TTI1: variants seen among roughly 807,000 people sequenced by gnomAD.
The protein encoded by TTI1 is TELO2-interacting protein 1 homolog.
TTI1 carries 52 observed loss-of-function variants against 85.4 expected under a neutral mutation model. That is an observed-to-expected ratio of 0.61 (90% CI 0.49 to 0.77). The LOEUF is 0.77. Among genes scored for constraint, TTI1 ranks in the 30% least tolerant of loss-of-function variants. The pLI is 0.00. For missense variants in TTI1, 1,173 were observed against 1,296.0 expected, an observed-to-expected ratio of 0.91 and a Z score of 1.46; for synonymous variants, 512 against 503.9, an observed-to-expected ratio of 1.02 and a Z score of -0.22.
chr20:38,011,870 C>A lies in TTI1; in HGVS notation c.1947G>T (p.Leu649Phe). The change falls in exon 2 of 8, where the codon TTG becomes TTT. Residue 649 changes from leucine to phenylalanine, a missense_variant. Coordinates refer to ENST00000373447, the MANE Select transcript of TTI1 (RefSeq NM_001303457.2). ...YALGKDFCLL[L>F]MSALYPVLEK... ...CCAGTACTGGATAAAGGGCTGACAT[C>A]AAGAGCAAACAGAAGTCTTTTCCTA... 1 of 1,614,226 alleles carries A rather than the reference C, an allele frequency of 6.2e-7. No individual in the cohort carries two copies. Among genetic ancestry groups the A allele is most frequent in the Non-Finnish European group, 8.5e-7 (1 of 1,180,044 alleles).
intron 1 of TTI1, among the ~76,000 whole-genome samples, chr20:38,026,587 A>C (rs568876915): frequency 1.1e-4 from 16 of 152,354 alleles, no homozygotes; most frequent in African/African-American, 3.4e-4. Flanking sequence ...AAAAATGTGC[A>C]TCAGGAATGA....
intron 7 of TTI1, among the ~76,000 whole-genome samples, chr20:37,986,752 AAGAG>A (rs1170884338): frequency 6.6e-6 from 1 of 152,208 alleles, no homozygotes; most frequent in African/African-American, 2.4e-5. Flanking sequence ...TTCTTCCAGA[AAGAG>A]AGAGAGAGGG....
At chr20:38,030,257 G>A (rs901147418) in intron 1 of TTI1, among the ~76,000 whole-genome samples, 4 of 151,960 alleles carry the variant, frequency 2.6e-5, no homozygotes, top group South Asian at 2.1e-4. Context: ...GAAGGAGGGA[G>A]GGAGGGAAGC....
intron 3 of TTI1, among the ~76,000 whole-genome samples, chr20:38,005,091 T>C (rs2073477151): frequency 1.3e-5 from 2 of 152,132 alleles, no homozygotes. Context: ...TACTATTTCC[T>C]GTTACACTGC....
chr20:38,020,323 A>AAAAAAAAAATATATATAT, intron 1 of TTI1, among the ~76,000 whole-genome samples: 3 of 50,386 alleles, frequency 6.0e-5, no homozygotes, highest in African/African-American at 2.7e-4. Context: ...AAAAAAAAAA[A>AAAAAAAAAATATATATAT]ATATATATAT....
At chr20:37,985,222 G>A (rs879305356) in intron 7 of TTI1, among the ~76,000 whole-genome samples, 2 of 152,188 alleles carry the variant, frequency 1.3e-5, no homozygotes, top group African/African-American at 2.4e-5. Flanking sequence ...GCCCTACACA[G>A]TCTAGCACGT....
rs764898421 is a variant in TTI1 at position 37,996,753 on chromosome 20, G to A, written c.2994C>T (p.Asp998=). 6.2e-7 allele frequency: 1 copy of A among 1,608,190 alleles called. No individual in the cohort carries two copies. Among genetic ancestry groups the A allele is most frequent in the Non-Finnish European group, 8.5e-7 (1 of 1,175,932 alleles). The change falls in exon 6 of 8, where the codon GAC becomes GAT. Residue 998 remains aspartate, a synonymous_variant. Coordinates refer to ENST00000373447, the MANE Select transcript of TTI1 (RefSeq NM_001303457.2). ...GTGGAACTGCCTGGTACCCACCTAG[G>A]TCCAGTCTCTCACAGAGGGGGCCCA... ...QGLGPLCERL[D]LGEGDLNKVA... is the part of the protein sequence containing the mutation.
chr20:38,012,841 C>T lies in TTI1; in HGVS notation c.976G>A (p.Val326Ile). 2 of 1,614,170 alleles carry T rather than the reference C, an allele frequency of 1.2e-6. No individual in the cohort carries two copies. The highest frequency in any genetic ancestry group is 1.1e-5 in the South Asian group (1 of 91,088). The change falls in exon 2 of 8, where the codon GTC (valine) becomes ATC (isoleucine). Residue 326 changes from valine (V) to isoleucine (I), a missense_variant. Transcript: ENST00000373447. ...DLLLKCSQSLVECAGPLLKAL... is the reference protein window; with the variant it reads ...DLLLKCSQSLIECAGPLLKAL... ...TTCAGAAGGGGACCAGCACATTCGA[C>T]CAATGATTGACTGCACTTCAAAAGA...
rs1300399707 is a variant in TTI1, at chr20:38,011,652, A to G, written c.2165T>C (p.Met722Thr). Reference protein sequence around the residue: ...HPHTPKVLEVMLRNSDANLLP... With the variant: ...HPHTPKVLEVTLRNSDANLLP... ...CAGGTTAGCATCTGAGTTCCGCAGC[A>G]TGACTTCCAGGACCTTTGGGGTATG... Residue 722 changes from methionine (M) to threonine (T), a missense_variant, in exon 2 of 8, where the codon ATG (methionine) becomes ACG (threonine). Coordinates refer to ENST00000373447, the MANE Select transcript of TTI1 (RefSeq NM_001303457.2). 12 of 1,614,126 alleles carry G rather than the reference A, an allele frequency of 7.4e-6. No individual in the cohort carries two copies. The highest frequency in any genetic ancestry group is 9.3e-6 in the Non-Finnish European group (11 of 1,180,054).
At chr20:38,006,068 G>T in intron 3 of TTI1, 129 bp downstream of exon 3, 3 of 1,019,230 alleles carry the variant, frequency 2.9e-6, no homozygotes, top group Admixed American at 2.3e-5. Context: ...CAGGAGAATA[G>T]CTATGTTAGC....
At chr20:38,032,403 G>C (rs568386209) in intron 1 of TTI1, among the ~76,000 whole-genome samples, 9 of 152,300 alleles carry the variant, frequency 5.9e-5, no homozygotes, top group South Asian at 2.1e-4. Context: ...TCCTAAACTA[G>C]AGTCTGCCCA....
Position 38,013,245 on chromosome 20 carries a change from GGATGGTCCT to G in TTI1, c.563_571del (p.Gln188_His190del). The G allele has an allele frequency of 1.2e-6, 2 of 1,614,032 alleles. No individual in the cohort carries two copies. Among genetic ancestry groups the G allele is most frequent in the Non-Finnish European group, 1.7e-6 (2 of 1,180,034 alleles). ...TTGTTCAAGTTCATCCAATGACCTT[GGATGGTCCT>G]GACAATCACACTGCAAGAGTAGAAC... On this transcript the variant is annotated inframe_deletion, in exon 2 of 8. Coordinates refer to ENST00000373447, the MANE Select transcript of TTI1 (RefSeq NM_001303457.2).
At position 38,011,742 on chromosome 20, in the gene TTI1, T is replaced by C. The variant is rs754324471; in HGVS notation, c.2075A>G (p.Asn692Ser). 1 of 1,614,208 alleles carries C rather than the reference T, an allele frequency of 6.2e-7. No individual in the cohort carries two copies. The highest frequency in any genetic ancestry group is 8.5e-7 in the Non-Finnish European group (1 of 1,180,044). The change falls in exon 2 of 8, where the codon AAT becomes AGT. Residue 692 changes from asparagine to serine, a missense_variant. By Grantham distance (46) the Asn-to-Ser change is conservative. Coordinates refer to ENST00000373447, the MANE Select transcript of TTI1 (RefSeq NM_001303457.2). ...CGYDSLQHLI[N>S]QNSDYLVNGI... ...ATTCACTAAATAGTCTGAATTTTGA[T>C]TGATCAGGTGCTGCAGGGAGTCGTA...
At chr20:38,020,323 A>AAATAT in intron 1 of TTI1, among the ~76,000 whole-genome samples, 30 of 50,392 alleles carry the variant, frequency 6.0e-4, no homozygotes, top group South Asian at 9.2e-4. Flanking sequence ...AAAAAAAAAA[A>AAATAT]ATATATATAT....
intron 7 of TTI1, among the ~76,000 whole-genome samples, chr20:37,992,964 T>C (rs537943806): frequency 6.6e-6 from 1 of 152,302 alleles, no homozygotes; most frequent in East Asian, 1.9e-4. Context: ...TGATCTGACC[T>C]GTTGTCTGTA....
At chr20:38,009,985 T>C (rs2073559378) in intron 2 of TTI1, among the ~76,000 whole-genome samples, 1 of 152,190 alleles carries the variant, frequency 6.6e-6, no homozygotes, top group Non-Finnish European at 1.5e-5. Context: ...GAATCTGCCG[T>C]GAGCTTGTCT....
At chr20:38,013,898 A>G (rs2073643399) in intron 1 of TTI1, 41 bp from the exon 2 acceptor site, 1 of 1,518,384 alleles carries the variant, frequency 6.6e-7, no homozygotes, top group African/African-American at 1.4e-5. Flanking sequence ...TCAAGTTCAA[A>G]GCAAGTATGA....
In TTI1 at chr20:38,012,521, G is replaced by A. The variant is rs747390435; in HGVS notation, c.1296C>T (p.Leu432=). ...VAHLQRLSKA[L]IQVLELDVAD... The stretch of plus-strand genomic sequence containing the variant: ...CCACGTCTAGCTCTAGAACTTGGAT[G>A]AGTGCTTTGGAAAGCCGCTGGAGAT... Residue 432 remains leucine (L), a synonymous_variant, in exon 2 of 8, where the codon CTC becomes CTT. Transcript: ENST00000373447. 6.8e-6 allele frequency: 11 copies of A among 1,614,208 alleles called. No homozygotes were observed. Among genetic ancestry groups the A allele is most frequent in the Non-Finnish European group, 9.3e-6 (11 of 1,180,042 alleles).
chr20:37,985,429 C>T (rs202009973), intron 7 of TTI1, among the ~76,000 whole-genome samples: 4 of 152,198 alleles, frequency 2.6e-5, no homozygotes, highest in East Asian at 1.9e-4. Context: ...TTGGGTCTTA[C>T]CGTGAAGCCA....
Sources: allele counts gnomAD v4.1 joint callset (sites outside exome capture counted in the v4.1 genomes callset), GRCh38; gene constraint gnomAD v4.1.1; transcripts MANE v1.5; gene names NCBI Gene and HGNC (gene_info 2026-07-23, HGNC 2026-07-21).